The following MEF2D variants were observed in gnomAD, a reference collection of about 807,000 sequenced individuals.
The protein encoded by MEF2D is myocyte-specific enhancer factor 2D.
A neutral mutation model predicts 59.3 loss-of-function variants in MEF2D; 10 were observed. The ratio of observed to expected loss-of-function variants is 0.17; its 90% CI spans 0.10 to 0.29. MEF2D has a LOEUF of 0.29. Among genes scored for constraint, MEF2D ranks in the 10% least tolerant of loss-of-function variants. The probability of loss-of-function intolerance (pLI) is 1.00; values close to 1 mark genes in which losing one functional copy is unlikely to be tolerated. For synonymous variants in MEF2D, 305 were observed against 295.0 expected, an observed-to-expected ratio of 1.03 and a Z score of -0.35; for missense variants, 508 against 699.4, an observed-to-expected ratio of 0.73 and a Z score of 3.09.
Position 156,468,022 on chromosome 1 carries a change from C to G in MEF2D, c.1525G>C (p.Ala509Pro), listed in dbSNP as rs1670971882. 1 of 1,613,474 alleles carries G rather than the reference C, an allele frequency of 6.2e-7. No individual in the cohort carries two copies. The highest frequency in any genetic ancestry group is 1.3e-5 in the African/African-American group (1 of 74,918). Residue 509 changes from alanine (A) to proline (P), a missense_variant, in exon 11 of 12, where the codon GCT (alanine) becomes CCT (proline). By Grantham distance (27) the Ala-to-Pro change is conservative (BLOSUM62 -1). Around this residue, in one of 2 missense-constraint regions of MEF2D, gnomAD observed 481 missense variants for 584.7 expected, o/e 0.82. Coordinates refer to ENST00000348159, the MANE Select transcript of MEF2D (RefSeq NM_005920.4). This position sits in a 1 kb window ranked among gnomAD's most constrained non-coding sequence, Gnocchi z 4.3. ...PAPEPEAEGS[A>P]VKRMRLDTWT... Reference sequence around the variant, plus strand: ...GTATCAAGCCGCATCCTCTTCACAGCTGAGCCCTCAGCCTCAGGCTCTGGG... The same window carrying G: ...GTATCAAGCCGCATCCTCTTCACAGGTGAGCCCTCAGCCTCAGGCTCTGGG...
intron 4 of MEF2D, 125 bp from the exon 5 acceptor site, chr1:156,479,921 C>G: frequency 1.1e-6 from 1 of 899,672 alleles, no homozygotes; most frequent in Non-Finnish European, 1.7e-6. Flanking sequence ...GCCAGCAGTT[C>G]AAGCTCCCTG....
rs180830950 is a variant in MEF2D at position 156,465,249 on chromosome 1, C to T, written c.*2396G>A. 1.3e-5 allele frequency: 2 copies of T among 152,460 alleles called. No individual in the cohort carries two copies. The highest frequency in any genetic ancestry group is 6.5e-5 in the Admixed American group (1 of 15,278). 9.4% of individuals were successfully genotyped at this position (152,460 alleles called of 1,614,324 possible). A position where few individuals can be genotyped will look rare whatever the true frequency, so the allele number is the denominator to read the frequency against. ...GAGGAAGAGGGACTTGAGTTTTGCT[C>T]TGAAAGCAGGTCTGGGGTTGGGGGA... On this transcript the variant is annotated 3_prime_UTR_variant, in exon 12 of 12. Transcript: ENST00000348159.
At chr1:156,472,541 A>G (rs967367200) in intron 9 of MEF2D, among the ~76,000 whole-genome samples, 4 of 151,874 alleles carry the variant, frequency 2.6e-5, no homozygotes, top group African/African-American at 4.8e-5. Context: ...TGGGTTCTGG[A>G]TTTTTCTTTT....
At chr1:156,486,003 C>T (rs1369655197) in intron 1 of MEF2D, among the ~76,000 whole-genome samples, 2 of 152,102 alleles carry the variant, frequency 1.3e-5, no homozygotes, top group East Asian at 3.9e-4. Context: ...GTGTCTGCCA[C>T]CACACCTGGC....
At chr1:156,498,280 A>C (rs980939195) in intron 1 of MEF2D, among the ~76,000 whole-genome samples, 1 of 152,018 alleles carries the variant, frequency 6.6e-6, no homozygotes, top group Non-Finnish European at 1.5e-5. Context: ...CACGGACAGC[A>C]CCTGCCACCC....
At chr1:156,492,832 C>T (rs1035292304) in intron 1 of MEF2D, among the ~76,000 whole-genome samples, 3 of 152,144 alleles carry the variant, frequency 2.0e-5, no homozygotes, top group Non-Finnish European at 4.4e-5. Context: ...GCTTGAGAGC[C>T]GTTGGAATGA....
At chr1:156,487,783 A>G (rs1672465751) in intron 1 of MEF2D, among the ~76,000 whole-genome samples, 3 of 152,198 alleles carry the variant, frequency 2.0e-5, no homozygotes, top group Non-Finnish European at 4.4e-5. Context: ...TGTTCTCCAG[A>G]TGTGAGTCTC....
At position 156,476,518 on chromosome 1, in the gene MEF2D, A is replaced by G. The variant is rs1354405437; in HGVS notation, c.856-4T>C. On this transcript the variant is annotated splice_polypyrimidine_tract_variant and splice_region_variant and intron_variant, in intron 7 of 11. Coordinates refer to ENST00000348159, the MANE Select transcript of MEF2D (RefSeq NM_005920.4). ...CCAGATCTAAATGGTCCTCAGTCTGAGAGCAGAAATAAAACCAAGGGGATG... is the reference window on the plus strand; with the variant it reads ...CCAGATCTAAATGGTCCTCAGTCTGGGAGCAGAAATAAAACCAAGGGGATG... The G allele has an allele frequency of 6.2e-7, 1 of 1,611,344 alleles. No homozygotes were observed. The highest frequency in any genetic ancestry group is 8.5e-7 in the Non-Finnish European group (1 of 1,178,866).
chr1:156,474,381 A>C (rs1332787976), intron 9 of MEF2D, among the ~76,000 whole-genome samples: 1 of 151,968 alleles, frequency 6.6e-6, no homozygotes, highest in Non-Finnish European at 1.5e-5. Flanking sequence ...CCCAGGAAGA[A>C]GAGGTTGCAG....
At position 156,483,303 on chromosome 1, in the gene MEF2D, G is replaced by A. The variant is rs1002428617; in HGVS notation, c.-11C>T. 6.2e-7 allele frequency: 1 copy of A among 1,614,114 alleles called. No homozygotes were observed. The highest frequency in any genetic ancestry group is 8.5e-7 in the Non-Finnish European group (1 of 1,180,008). ...CTTTTTCCTCCCCATCTTCTCCGGG[G>A]GTCCTCAGTGCTACGGAGGGGAGGG... On this transcript the variant is annotated 5_prime_UTR_variant, in exon 2 of 12. Coordinates refer to ENST00000348159, the MANE Select transcript of MEF2D (RefSeq NM_005920.4).
At chr1:156,499,044 T>C (rs1673315297) in intron 1 of MEF2D, among the ~76,000 whole-genome samples, 1 of 152,188 alleles carries the variant, frequency 6.6e-6, no homozygotes, top group Non-Finnish European at 1.5e-5. Context: ...CCTCAGCTAC[T>C]GAGACCTTCC....
intron 1 of MEF2D, among the ~76,000 whole-genome samples, chr1:156,483,669 G>C (rs117170068): frequency 6.6e-6 from 1 of 152,334 alleles, no homozygotes; most frequent in East Asian, 1.9e-4. Flanking sequence ...CAGGCTCCAG[G>C]ACAGAGTAAA....
chr1:156,477,070 C>G lies in MEF2D; in HGVS notation c.797G>C (p.Arg266Pro). The change falls in exon 7 of 12, where the codon CGC becomes CCC. Residue 266 changes from arginine to proline, a missense_variant. Arg to Pro is a moderately radical substitution (Grantham distance 103). Transcript: ENST00000348159. ...AGTGATGACTCGCAGGTCGGGCTTG[C>G]GGCTGGGGGCTCCAAGCTGGGTGCT... is the stretch of plus-strand genomic sequence containing the variant. ...THSTQLGAPS[R>P]KPDLRVITSQ... is the part of the protein sequence containing the mutation. The G allele has an allele frequency of 6.2e-7, 1 of 1,613,924 alleles. No homozygotes were observed. The highest frequency in any genetic ancestry group is 1.3e-5 in the African/African-American group (1 of 75,010).
chr1:156,491,899 G>A (rs564018929), intron 1 of MEF2D, among the ~76,000 whole-genome samples: 1 of 152,240 alleles, frequency 6.6e-6, no homozygotes, highest in South Asian at 2.1e-4. Context: ...ACACCAAGTG[G>A]AGTTCTTGGC....
Position 156,468,249 on chromosome 1 carries a change from TG to T in MEF2D, c.1297del (p.His433ThrfsTer78). 6.3e-7 allele frequency: 1 copy of T among 1,588,634 alleles called. No homozygotes were observed. Among genetic ancestry groups the T allele is most frequent in the Non-Finnish European group, 8.6e-7 (1 of 1,165,760 alleles). ...TTCTGACTTGATGCTGATGTGGGGG[TG>T]GGTGGTGACTGTGAGGGCAGCACCC... ...HVGAALTVTT[H>X]PHISIKSEPV... On this transcript the variant is annotated frameshift_variant, in exon 11 of 12. Transcript: ENST00000348159. LOFTEE classifies it high-confidence loss of function. This position sits in a 1 kb window ranked among gnomAD's most constrained non-coding sequence, Gnocchi z 4.3.
Position 156,472,479 on chromosome 1 carries a change from G to A in MEF2D, c.1006+2629C>T, listed in dbSNP as rs145597158. ...AGAGTCTGGTCCCTCAACATGAGGC[G>A]GTCCCTCCAGCTCTCTTAACCTGCC... On this transcript the variant is annotated intron_variant, in intron 9 of 11. Coordinates refer to ENST00000348159, the MANE Select transcript of MEF2D (RefSeq NM_005920.4). Among the ~76,000 whole-genome samples the A allele has an allele frequency of 7.1e-3, 1,079 of 152,316 alleles. 35 individuals are homozygous for A. Among genetic ancestry groups the A allele is most frequent in the East Asian group, 0.016 (82 of 5,186 alleles).
chr1:156,477,569 C>T (rs1451353693), intron 6 of MEF2D, among the ~76,000 whole-genome samples: 2 of 152,178 alleles, frequency 1.3e-5, no homozygotes, highest in Non-Finnish European at 1.5e-5. Flanking sequence ...CTACTTTAGT[C>T]TCCACAGACA....
In MEF2D at chr1:156,468,620, G is replaced by A. The variant is rs371562491; in HGVS notation, c.1247+160C>T. Among the ~76,000 whole-genome samples, 140 of 152,270 alleles carry A rather than the reference G, an allele frequency of 9.2e-4. 1 individual carries two copies. Among genetic ancestry groups the A allele is most frequent in the African/African-American group, 3.3e-3 (136 of 41,542 alleles). On this transcript the variant is annotated intron_variant, in intron 10 of 11. Coordinates refer to ENST00000348159, the MANE Select transcript of MEF2D (RefSeq NM_005920.4). The surrounding 1 kb of genome is among the most constrained non-coding windows in gnomAD (Gnocchi z 4.3). Reference sequence around the variant, plus strand: ...GTGAGCCTCTTGGGTCTGTACAAGAGAGCCCAGGGGTGCCACTGTTGCCTA... The same window carrying A: ...GTGAGCCTCTTGGGTCTGTACAAGAAAGCCCAGGGGTGCCACTGTTGCCTA...
chr1:156,498,120 A>C (rs892874350), intron 1 of MEF2D, among the ~76,000 whole-genome samples: 6 of 151,052 alleles, frequency 4.0e-5, no homozygotes, highest in Admixed American at 2.0e-4. Context: ...AAAAAAAAAA[A>C]AAAAAAACCC....
Sources: allele counts gnomAD v4.1 joint callset (sites outside exome capture counted in the v4.1 genomes callset), GRCh38; gene constraint gnomAD v4.1.1; regional missense constraint gnomAD v4.1.1; non-coding constraint Gnocchi (gnomAD v3.1); transcripts MANE v1.5; gene names NCBI Gene and HGNC (gene_info 2026-07-23, HGNC 2026-07-21).